MYH15: variants seen among roughly 807,000 people sequenced by gnomAD.
The protein encoded by MYH15 is myosin-15.
In MYH15, 227 loss-of-function variants were observed where a neutral mutation model predicts 240.5. The ratio of observed to expected loss-of-function variants is 0.94; its 90% CI spans 0.85 to 1.05. The LOEUF is 1.05. Ranked by LOEUF, MYH15 falls within the 50% of genes least tolerant of loss-of-function variation. MYH15 has a pLI of 0.00. For missense variants in MYH15, 2,217 were observed against 2,247.5 expected (o/e 0.99, Z 0.27); for synonymous variants, 785 against 796.7 (o/e 0.99, Z 0.25).
rs745590370 is a variant in MYH15 at position 108,464,816 on chromosome 3, T to A, written c.1555-2A>T. The A allele has an allele frequency of 1.9e-6, 3 of 1,601,436 alleles. No homozygotes were observed. The Admixed American group carries it at 5.2e-5, about 28-fold the overall frequency. On this transcript the variant is annotated splice_acceptor_variant, in intron 14 of 40. Coordinates refer to ENST00000693548, the MANE Select transcript of MYH15 (RefSeq NM_014981.3). LOFTEE classifies it high-confidence loss of function. ...AAGGATGGAAAGGATGCCCATTGGC[T>A]GTTGAAGAGACATAAGAGCAGCAGA...
At chr3:108,492,231 CTCACCTCTGCTG>C (rs796317356) in intron 9 of MYH15, among the ~76,000 whole-genome samples, 20 of 151,168 alleles carry the variant, frequency 1.3e-4, no homozygotes, top group Admixed American at 2.0e-4. Context: ...CACACACTCA[CTCACCTCTGCTG>C]GGCATCCTAC....
At position 108,401,393 on chromosome 3, in the gene MYH15, G is replaced by A. The variant is rs963046758; in HGVS notation, c.4737-2126C>T. 2.4e-4 allele frequency among the ~76,000 whole-genome samples: 36 copies of A among 152,262 alleles called. 2 individuals carry two copies. The East Asian group carries it at 6.4e-3, about 27-fold the overall frequency. On this transcript the variant is annotated intron_variant, in intron 33 of 40. Transcript: ENST00000693548. The stretch of plus-strand genomic sequence containing the variant: ...AAAATGTGACCGTCTGCAAGCCAAG[G>A]AGGATCATCAGGAGAAACCAAACCT...
chr3:108,394,287 T>C, intron 35 of MYH15, 131 bp from the exon 36 acceptor site: 1 of 1,147,170 alleles, frequency 8.7e-7, no homozygotes, highest in Non-Finnish European at 1.2e-6. Flanking sequence ...CCATAGTCCC[T>C]TAAGCAGTGC....
In MYH15 at chr3:108,501,612, C is replaced by T. The variant is rs368762912; in HGVS notation, c.339+100G>A. ...ACATTGCTCAAGGACTATCCCTGTG[C>T]GAGCATGCTTAAACTCAATGTAAGA... On this transcript the variant is annotated intron_variant, in intron 3 of 40. Coordinates refer to ENST00000693548, the MANE Select transcript of MYH15 (RefSeq NM_014981.3). 108 of 1,458,144 alleles carry T rather than the reference C, an allele frequency of 7.4e-5. 2 individuals carry two copies. In the South Asian group the frequency reaches 7.5e-4, roughly 10 times the overall value. 90.3% of individuals were successfully genotyped at this position (1,458,144 alleles called of 1,614,324 possible).
intron 27 of MYH15, among the ~76,000 whole-genome samples, chr3:108,427,045 C>T (rs912950700): frequency 1.3e-5 from 2 of 152,216 alleles, no homozygotes; most frequent in African/African-American, 4.8e-5. Context: ...TGTGGAAACA[C>T]ATAACTTGTT....
At chr3:108,501,572 G>T (rs2083438087) in intron 3 of MYH15, 140 bp downstream of exon 3, 2 of 1,034,966 alleles carry the variant, frequency 1.9e-6, no homozygotes, top group African/African-American at 3.2e-5. Flanking sequence ...CTAAGATAAG[G>T]TCCCTTCCCA....
At chr3:108,405,654 T>C (rs1344230677) in intron 32 of MYH15, among the ~76,000 whole-genome samples, 1 of 152,214 alleles carries the variant, frequency 6.6e-6, no homozygotes, top group Non-Finnish European at 1.5e-5. Context: ...TTTGACATTC[T>C]TAGGTCTTTC....
intron 11 of MYH15, among the ~76,000 whole-genome samples, chr3:108,480,516 C>T (rs2083258795): frequency 6.6e-6 from 1 of 152,076 alleles, no homozygotes; most frequent in Non-Finnish European, 1.5e-5. Context: ...TAGAGTCATG[C>T]TTTAGGATGC....
intron 18 of MYH15, among the ~76,000 whole-genome samples, chr3:108,458,275 T>TTAGCTGTTATA (rs1553768985): frequency 1.3e-5 from 2 of 152,160 alleles, no homozygotes; most frequent in Non-Finnish European, 2.9e-5. Context: ...TGCTCCAAAA[T>TTAGCTGTTATA]AGAACTCAGC....
At chr3:108,536,445 C>T in the MYH15 span, among the ~76,000 whole-genome samples, 2 of 152,202 alleles carry the variant, frequency 1.3e-5, no homozygotes, top group Admixed American at 1.3e-4. Flanking sequence ...GGGACAATGC[C>T]TAGCATCAAG....
chr3:108,480,952 T>A (rs2083261667), intron 11 of MYH15, among the ~76,000 whole-genome samples: 1 of 151,902 alleles, frequency 6.6e-6, no homozygotes, highest in Admixed American at 6.6e-5. Flanking sequence ...CTGGGAAAAA[T>A]TTACCAAAGC....
intron 22 of MYH15, among the ~76,000 whole-genome samples, chr3:108,442,022 C>T (rs1457152191): frequency 2.0e-5 from 3 of 152,166 alleles, no homozygotes; most frequent in Non-Finnish European, 2.9e-5. Flanking sequence ...ACTTTAGACC[C>T]CTCTAATTTG....
At chr3:108,536,115 ACTAGCC>A in the MYH15 span, among the ~76,000 whole-genome samples, 2 of 152,098 alleles carry the variant, frequency 1.3e-5, no homozygotes, top group African/African-American at 2.4e-5. Context: ...AAATGCAAAA[ACTAGCC>A]GGGGGTGGTG....
At chr3:108,493,597 T>C (rs1460821967) in intron 7 of MYH15, among the ~76,000 whole-genome samples, 1 of 152,194 alleles carries the variant, frequency 6.6e-6, no homozygotes, top group East Asian at 1.9e-4. Flanking sequence ...CAGGTAACCT[T>C]CTAGGCACTG....
intron 40 of MYH15, among the ~76,000 whole-genome samples, chr3:108,382,814 C>T (rs2082353113): frequency 6.6e-6 from 1 of 152,128 alleles, no homozygotes. Context: ...ATGCCAGAAG[C>T]TATGCTCAGT....
chr3:108,512,950 C>T (rs921571563), upstream of MYH15, among the ~76,000 whole-genome samples: 7 of 152,102 alleles, frequency 4.6e-5, no homozygotes, highest in East Asian at 5.8e-4. Context: ...AAAAAAGGAT[C>T]GAAATCCTTC....
chr3:108,390,068 T>A (rs1417003615), intron 37 of MYH15, among the ~76,000 whole-genome samples: 2 of 152,124 alleles, frequency 1.3e-5, no homozygotes, highest in African/African-American at 4.8e-5. Context: ...ACCTGCTATA[T>A]AGGAACCTGA....
chr3:108,513,436 C>A (rs2107257426), upstream of MYH15, among the ~76,000 whole-genome samples: 1 of 152,268 alleles, frequency 6.6e-6, no homozygotes, highest in South Asian at 2.1e-4. Context: ...GGGCTGCATG[C>A]ACAATGCTGG....
intron 21 of MYH15, among the ~76,000 whole-genome samples, chr3:108,451,143 G>A (rs2082970158): frequency 6.6e-6 from 1 of 152,202 alleles, no homozygotes; most frequent in Admixed American, 6.5e-5. Context: ...ACTTTGGGAG[G>A]CCAAGGCAGG....
Sources: allele counts gnomAD v4.1 joint callset (sites outside exome capture counted in the v4.1 genomes callset), GRCh38; gene constraint gnomAD v4.1.1; transcripts MANE v1.5; gene names NCBI Gene and HGNC (gene_info 2026-07-23, HGNC 2026-07-21).